The following RTKN variants were observed in gnomAD, a reference collection of about 807,000 sequenced individuals.
The protein encoded by RTKN is rhotekin.
A neutral mutation model predicts 63.5 loss-of-function variants in RTKN; 49 were observed. The observed-to-expected ratio is 0.77, with a 90% confidence interval of 0.61 to 0.98. The LOEUF (loss-of-function observed/expected upper bound fraction) is 0.98, where lower values mean the gene tolerates loss of function less well. Ranked by LOEUF, RTKN falls within the 50% of genes least tolerant of loss-of-function variation. The probability of loss-of-function intolerance (pLI) is 0.00; values close to 1 mark genes in which losing one functional copy is unlikely to be tolerated. For missense variants in RTKN, 685 were observed against 740.8 expected (o/e 0.92, Z 0.87); for synonymous variants, 295 against 290.4 (o/e 1.02, Z -0.16).
chr2:74,429,003 A>G, intron 6 of RTKN, 61 bp from the exon 7 acceptor site: 1 of 1,358,318 alleles, frequency 7.4e-7, no homozygotes, highest in East Asian at 2.3e-5. Flanking sequence ...CAGGAACTCT[A>G]AGGGCTGAGC....
intron 1 of RTKN, among the ~76,000 whole-genome samples, chr2:74,441,388 G>C (rs577432080): frequency 6.6e-6 from 1 of 152,340 alleles, no homozygotes; most frequent in South Asian, 2.1e-4. Flanking sequence ...ACCGCCCTTG[G>C]CCCGGGGATG....
intron 9 of RTKN, 34 bp downstream of exon 9, chr2:74,428,234 C>A: frequency 1.2e-6 from 2 of 1,613,968 alleles, no homozygotes; most frequent in Non-Finnish European, 1.7e-6. Context: ...TGGGCCTGTG[C>A]CCTTGGTGGC....
chr2:74,429,979 C>G lies in RTKN; in HGVS notation c.604G>C (p.Glu202Gln), dbSNP rs1229239148. Residue 202 changes from glutamate to glutamine, a missense_variant, in exon 6 of 12, where the codon GAA (glutamate) becomes CAA (glutamine). Physicochemically the swap from Glu to Gln is conservative, Grantham distance 29. Transcript: ENST00000272430. ...GGGCCGCCAGTCAGGGCCCCCTCTT[C>G]TTCCACACAGGCCCCATACAGCTCT... Reference protein sequence around the residue: ...RLELYGACVEEEGALTGGPKR... With the variant: ...RLELYGACVEQEGALTGGPKR... 1.2e-6 allele frequency: 2 copies of G among 1,614,250 alleles called. No individual in the cohort carries two copies. The highest frequency in any genetic ancestry group is 1.7e-6 in the Non-Finnish European group (2 of 1,180,044).
chr2:74,437,862 A>G (rs969492227), intron 1 of RTKN, among the ~76,000 whole-genome samples: 20 of 152,284 alleles, frequency 1.3e-4, no homozygotes, highest in African/African-American at 4.3e-4. Flanking sequence ...AACAAATTAG[A>G]TAAACGTGCT....
chr2:74,440,033 C>T (rs927598655), intron 1 of RTKN: 54 of 1,037,596 alleles, frequency 5.2e-5, no homozygotes, highest in Non-Finnish European at 6.2e-5. Context: ...AGCCCCCGCC[C>T]ACATCCCTGG....
At chr2:74,435,705 CAG>C (rs1671018122) in intron 1 of RTKN, among the ~76,000 whole-genome samples, 1 of 152,200 alleles carries the variant, frequency 6.6e-6, no homozygotes, top group African/African-American at 2.4e-5. Flanking sequence ...CCATTTGAAA[CAG>C]GGGAACTAAT....
chr2:74,439,476 C>T, intron 1 of RTKN: 2 of 1,518,768 alleles, frequency 1.3e-6, no homozygotes, highest in South Asian at 2.3e-5. Context: ...CATGCTGTAG[C>T]AGGAATGGGC....
intron 1 of RTKN, among the ~76,000 whole-genome samples, chr2:74,433,255 A>AC (rs1054393897): frequency 4.0e-5 from 6 of 149,346 alleles, no homozygotes; most frequent in African/African-American, 1.5e-4. Context: ...AAAAAAAAAA[A>AC]ACATATATAT....
Position 74,430,302 on chromosome 2 carries a change from G to C in RTKN, c.495C>G (p.Ile165Met). Residue 165 changes from isoleucine (I) to methionine (M), a missense_variant, in exon 5 of 12, where the codon ATC becomes ATG. Ile to Met is a conservative substitution (Grantham distance 10). Coordinates refer to ENST00000272430, the MANE Select transcript of RTKN (RefSeq NM_001015055.2). ...LGEHIQDTEM[I>M]LVDRTLTDIS... ...TGTCTGTGAGGGTCCTGTCCACTAGGATCATCTCTGTGTCCTGGATGTGTT... is the reference window on the plus strand; with the variant it reads ...TGTCTGTGAGGGTCCTGTCCACTAGCATCATCTCTGTGTCCTGGATGTGTT... 1 of 1,614,060 alleles carries C rather than the reference G, an allele frequency of 6.2e-7. No individual in the cohort carries two copies.
chr2:74,430,208 G>T, intron 5 of RTKN, 44 bp downstream of exon 5: 2 of 1,575,756 alleles, frequency 1.3e-6, no homozygotes, highest in South Asian at 1.1e-5. Context: ...TCCAGAACTG[G>T]AGCAGAGTGG....
chr2:74,428,958 G>C lies in RTKN; in HGVS notation c.756-16C>G, dbSNP rs368818515. 7 of 1,604,436 alleles carry C rather than the reference G, an allele frequency of 4.4e-6. No individual in the cohort carries two copies. In the African/African-American group the frequency reaches 6.7e-5, roughly 15 times the overall value. On this transcript the variant is annotated splice_polypyrimidine_tract_variant and intron_variant, in intron 6 of 11. Coordinates refer to ENST00000272430, the MANE Select transcript of RTKN (RefSeq NM_001015055.2). ...ACGAGGACCACTGAGGGAGATAGGA[G>C]AGAGCATCAGCCAAGGGAGGGGCAT...
At chr2:74,428,977 G>A in intron 6 of RTKN, 35 bp from the exon 7 acceptor site, 2 of 1,545,492 alleles carry the variant, frequency 1.3e-6, no homozygotes, top group Non-Finnish European at 1.8e-6. Context: ...AGCCAAGGGA[G>A]GGGCATGTTG....
At position 74,436,941 on chromosome 2, in the gene RTKN, G is replaced by A. The variant is rs1671098584; in HGVS notation, c.112-4275C>T. 6.6e-6 allele frequency among the ~76,000 whole-genome samples: 1 copy of A among 152,162 alleles called. No homozygotes were observed. Among genetic ancestry groups the A allele is most frequent in the Non-Finnish European group, 1.5e-5 (1 of 68,034 alleles). ...CATTTCCCCTGGGAAAGAGCGCAGA[G>A]CTGGGTGTCAGCTGGACCCGGGTCA... On this transcript the variant is annotated intron_variant, in intron 1 of 11. Coordinates refer to ENST00000272430, the MANE Select transcript of RTKN (RefSeq NM_001015055.2). The surrounding 1 kb of genome is among the most constrained non-coding windows in gnomAD (Gnocchi z 4.3).
chr2:74,426,183 C>T lies in RTKN; in HGVS notation c.*60G>A. ...GCTATAGACAGCGCCGTATCCAGAG[C>T]CCAACTGCGCATGGGTCATTTTCTC... On this transcript the variant is annotated 3_prime_UTR_variant, in exon 12 of 12. Transcript: ENST00000272430. The T allele has an allele frequency of 6.8e-7, 1 of 1,474,234 alleles. No individual in the cohort carries two copies. The highest frequency in any genetic ancestry group is 9.4e-7 in the Non-Finnish European group (1 of 1,063,446). The allele number at this position is 1,474,234 out of a possible 1,614,324, so 91.3% of individuals were successfully genotyped here.
Position 74,441,924 on chromosome 2 carries a change from G to A in RTKN, c.-108C>T. On this transcript the variant is annotated 5_prime_UTR_variant, in exon 1 of 12. Coordinates refer to ENST00000272430, the MANE Select transcript of RTKN (RefSeq NM_001015055.2). Reference sequence around the variant, plus strand: ...GACGCTCGTCCGCCAGTCCGGCCGGGAATCTCCCGCTGCGGGGCTCCAAAC... The same window carrying A: ...GACGCTCGTCCGCCAGTCCGGCCGGAAATCTCCCGCTGCGGGGCTCCAAAC... The A allele has an allele frequency of 1.4e-6, 1 of 701,772 alleles. No individual in the cohort carries two copies. Among genetic ancestry groups the A allele is most frequent in the Non-Finnish European group, 2.4e-6 (1 of 415,552 alleles). 43.5% of individuals were successfully genotyped at this position (701,772 alleles called of 1,614,324 possible).
intron 1 of RTKN, chr2:74,440,263 G>C (rs1462158049): frequency 4.2e-6 from 3 of 711,720 alleles, no homozygotes; most frequent in Admixed American, 1.2e-4. Context: ...TGGGACAAAG[G>C]GGTGAGTTGG....
Position 74,436,494 on chromosome 2 carries a change from A to T in RTKN, c.112-3828T>A, listed in dbSNP as rs1423204612. Among the ~76,000 whole-genome samples, 1 of 151,434 alleles carries T rather than the reference A, an allele frequency of 6.6e-6. No homozygotes were observed. The highest frequency in any genetic ancestry group is 1.5e-5 in the Non-Finnish European group (1 of 67,946). ...ATCGCGGCGGGACCGGACCTCCAGG[A>T]GTGCGCCCGCGCCGCCCTGGAAAAG... is the stretch of plus-strand genomic sequence containing the variant. On this transcript the variant is annotated intron_variant, in intron 1 of 11. Coordinates refer to ENST00000272430, the MANE Select transcript of RTKN (RefSeq NM_001015055.2). The surrounding 1 kb of genome is among the most constrained non-coding windows in gnomAD (Gnocchi z 4.3).
In RTKN at chr2:74,440,015, C is replaced by A. The variant is rs908099185; in HGVS notation, c.111+1691G>T. ...AAGGCCCTTTCATTCCGACTCTGGC[C>A]GCTCCCCAGCCCCCGCCCACATCCC... On this transcript the variant is annotated intron_variant, in intron 1 of 11. Transcript: ENST00000272430. 4 of 1,057,196 alleles carry A rather than the reference C, an allele frequency of 3.8e-6. No homozygotes were observed. In the South Asian group the frequency reaches 9.9e-5, roughly 26 times the overall value. 65.5% of individuals were successfully genotyped at this position (1,057,196 alleles called of 1,614,324 possible).
chr2:74,432,223 C>G lies in RTKN; in HGVS notation c.311+244G>C, dbSNP rs986369641. ...TAGTGCTTTTGCATTACTTGCTACC[C>G]TTCAGATCAGCTACCTTTCACCAGA... On this transcript the variant is annotated intron_variant, in intron 2 of 11. Coordinates refer to ENST00000272430, the MANE Select transcript of RTKN (RefSeq NM_001015055.2). 3 of 675,662 alleles carry G rather than the reference C, an allele frequency of 4.4e-6. No individual in the cohort carries two copies. The African/African-American group carries it at 5.3e-5, about 12-fold the overall frequency. The allele number at this position is 675,662 out of a possible 1,614,324, so 41.9% of individuals were successfully genotyped here.
Sources: gnomAD v4.1 joint callset for allele counts (sites outside exome capture counted in the v4.1 genomes callset) on GRCh38, gnomAD v4.1.1 for gene constraint, Gnocchi (gnomAD v3.1) non-coding constraint, MANE v1.5 for transcripts, NCBI Gene and HGNC (gene_info 2026-07-23, HGNC 2026-07-21) for gene names.